SDK2: variants seen among roughly 807,000 people sequenced by gnomAD.
The protein encoded by SDK2 is sidekick cell adhesion molecule 2, also known as protein sidekick-2.
Under a neutral mutation model 253.9 loss-of-function variants are expected in SDK2, and 105 were observed. That is an observed-to-expected ratio of 0.41 (90% CI 0.35 to 0.49). The LOEUF is 0.49. SDK2 is among the 20% of genes least tolerant of loss of function. The pLI, the probability that SDK2 is intolerant of heterozygous loss-of-function variation, is 0.06. For missense variants in SDK2, 2,608 were observed against 3,003.0 expected (o/e 0.87, Z 3.07); for synonymous variants, 1,249 against 1,234.9 (o/e 1.01, Z -0.24).
chr17:73,391,565 G>A (rs773333254), intron 27 of SDK2, 27 bp from the exon 28 acceptor site: 12 of 1,204,678 alleles, frequency 1.0e-5, no homozygotes, highest in South Asian at 8.1e-5. Flanking sequence ...AGAGGAGGCC[G>A]ACCCATGAGG....
At chr17:73,576,218 G>A (rs572577334) in intron 1 of SDK2, among the ~76,000 whole-genome samples, 1 of 152,278 alleles carries the variant, frequency 6.6e-6, no homozygotes, top group African/African-American at 2.4e-5. Flanking sequence ...TCCCAAAGAA[G>A]GGGAGGGAAC....
rs1443722652 is a variant in SDK2 at position 73,435,460 on chromosome 17, C to G, written c.1185G>C (p.Leu395=). The G allele has an allele frequency of 6.3e-7, 1 of 1,592,370 alleles. No individual in the cohort carries two copies. The highest frequency in any genetic ancestry group is 1.3e-5 in the African/African-American group (1 of 74,588). The change falls in exon 9 of 45, where the codon CTG becomes CTC. Residue 395 remains leucine (L), a synonymous_variant. Transcript: ENST00000392650. This position sits in a 1 kb window ranked among gnomAD's most constrained non-coding sequence, Gnocchi z 5.7. The part of the protein sequence containing the change: ...AAGEVQTSTY[L]AVTSIAPNIT... ...GAAGGCCCAACTTACTGGTGACAGCCAGGTAGGTGGAAGTTTGCACCTCGC... is the reference window on the plus strand; with the variant it reads ...GAAGGCCCAACTTACTGGTGACAGCGAGGTAGGTGGAAGTTTGCACCTCGC...
chr17:73,446,144 C>T (rs1205846498), intron 5 of SDK2, among the ~76,000 whole-genome samples: 1 of 152,150 alleles, frequency 6.6e-6, no homozygotes, highest in Non-Finnish European at 1.5e-5. Context: ...GACCATGAAC[C>T]ACTCCTGTGT....
Position 73,403,051 on chromosome 17 carries a change from G to A in SDK2, c.2485-910C>T, listed in dbSNP as rs184129056. 3.7e-3 allele frequency among the ~76,000 whole-genome samples: 555 copies of A among 151,418 alleles called. 16 individuals are homozygous for A. In the East Asian group the frequency reaches 0.058, roughly 16 times the overall value. ...TGATCTCAAGTGATCCGCCCGCCTC[G>A]GCCTCCCAAAGTGCTGGGATTACAG... is the stretch of plus-strand genomic sequence containing the variant. On this transcript the variant is annotated intron_variant, in intron 18 of 44. Transcript: ENST00000392650.
chr17:73,469,990 G>GCACACACACACA (rs1555585147), intron 3 of SDK2, among the ~76,000 whole-genome samples: 19 of 105,678 alleles, frequency 1.8e-4, no homozygotes, highest in African/African-American at 5.8e-4. Flanking sequence ...CTGCGCGCGC[G>GCACACACACACA]CGCACACACA....
At chr17:73,372,623 C>T (rs112676131) in intron 36 of SDK2, among the ~76,000 whole-genome samples, 19,014 of 151,936 alleles carry the variant, frequency 0.13, 2,193 homozygotes, top group East Asian at 0.28. Context: ...TGCCTGTAAT[C>T]CCAGCTACTC....
chr17:73,607,847 CTT>C (rs112887759), intron 1 of SDK2, among the ~76,000 whole-genome samples: 13 of 142,598 alleles, frequency 9.1e-5, no homozygotes, highest in Admixed American at 2.1e-4. Context: ...CTTCTGTGTG[CTT>C]TTTTTTTTTT....
chr17:73,431,661 T>C lies in SDK2; in HGVS notation c.1321A>G (p.Ile441Val), dbSNP rs1567768629. Residue 441 changes from isoleucine (I) to valine (V), a missense_variant, in exon 11 of 45, where the codon ATC becomes GTC. By Grantham distance (29) the Ile-to-Val change is conservative. This residue lies in a region of SDK2 where 1,505 missense variants were observed against 1,859.1 expected (regional missense o/e 0.81). Coordinates refer to ENST00000392650, the MANE Select transcript of SDK2 (RefSeq NM_001144952.2). The surrounding 1 kb of genome is among the most constrained non-coding windows in gnomAD (Gnocchi z 5.6). The part of the protein sequence containing the change: ...PAITWQKGER[I>V]LASGSVQLPR... ...AGCTGCACAGAGCCACTGGCCAAGA[T>C]GCGCTCCCCTGAGGGCAAAACAGGG... The C allele has an allele frequency of 1.2e-6, 2 of 1,608,302 alleles. No individual in the cohort carries two copies. The highest frequency in any genetic ancestry group is 8.5e-7 in the Non-Finnish European group (1 of 1,177,332).
intron 1 of SDK2, among the ~76,000 whole-genome samples, chr17:73,613,691 G>A (rs1418561136): frequency 1.3e-5 from 2 of 149,612 alleles, no homozygotes; most frequent in Non-Finnish European, 3.0e-5. Context: ...CCAGTGGCAC[G>A]TAGGGCCTCA....
intron 3 of SDK2, among the ~76,000 whole-genome samples, chr17:73,469,331 G>A (rs1051376321): frequency 6.6e-6 from 1 of 152,164 alleles, no homozygotes; most frequent in Admixed American, 6.5e-5. Context: ...GGTGGTCCAG[G>A]GCCCTTGGAA....
rs2062869517 is a variant in SDK2, at chr17:73,386,065, A to C, written c.4499-148T>G. The C allele has an allele frequency of 6.5e-6, 4 of 610,712 alleles. 1 individual carries two copies. The Middle Eastern group carries it at 1.2e-3, about 183-fold the overall frequency. 37.8% of individuals were successfully genotyped at this position (610,712 alleles called of 1,614,324 possible). ...TGCCTGCTGGCCCGATTTCTGCAGA[A>C]CAAAGGGCTGGTGTAAAGGGGAGGG... On this transcript the variant is annotated intron_variant, in intron 31 of 44. Coordinates refer to ENST00000392650, the MANE Select transcript of SDK2 (RefSeq NM_001144952.2).
intron 6 of SDK2, among the ~76,000 whole-genome samples, chr17:73,440,257 C>T (rs946109846): frequency 6.6e-6 from 1 of 152,022 alleles, no homozygotes; most frequent in African/African-American, 2.4e-5. Flanking sequence ...AGGCATGTGA[C>T]ACCACACCTG....
At chr17:73,553,380 T>C (rs1275726698) in intron 1 of SDK2, among the ~76,000 whole-genome samples, 1 of 152,178 alleles carries the variant, frequency 6.6e-6, no homozygotes, top group Non-Finnish European at 1.5e-5. Context: ...GGAAGGTGGA[T>C]GTTATTATCC....
At chr17:73,568,294 T>C (rs190040304) in intron 1 of SDK2, among the ~76,000 whole-genome samples, 43 of 152,346 alleles carry the variant, frequency 2.8e-4, no homozygotes, top group Admixed American at 6.5e-4. Flanking sequence ...CTCCCTCTTT[T>C]CTTTCTGCCA....
chr17:73,442,801 T>C (rs2063425721), intron 5 of SDK2, among the ~76,000 whole-genome samples: 1 of 151,344 alleles, frequency 6.6e-6, no homozygotes, highest in Non-Finnish European at 1.5e-5. Flanking sequence ...AAGAACTTCC[T>C]GTAAGTGGGT....
chr17:73,398,047 C>T lies in SDK2; in HGVS notation c.3342G>A (p.Trp1114Ter). The T allele has an allele frequency of 6.2e-7, 1 of 1,612,202 alleles. No homozygotes were observed. Among genetic ancestry groups the T allele is most frequent in the Non-Finnish European group, 8.5e-7 (1 of 1,179,872 alleles). The change falls in exon 24 of 45, where the codon TGG becomes TGA. Residue 1114 changes from tryptophan (W) to a stop codon, truncating the protein, a stop_gained. Coordinates refer to ENST00000392650, the MANE Select transcript of SDK2 (RefSeq NM_001144952.2). LOFTEE classifies it high-confidence loss of function. ...SLRTASETSL[W>*]LRWMPLPEME... ...GAGGGAGCCTTACCATCCAGCGCAG[C>T]CACAGGCTGGTCTCACTGGCTGTGC...
At chr17:73,353,700 ATT>A (rs11370066) in intron 40 of SDK2, among the ~76,000 whole-genome samples, 67 of 97,206 alleles carry the variant, frequency 6.9e-4, no homozygotes, top group African/African-American at 2.4e-3. Context: ...TGCCTGGCCA[ATT>A]TTTTTTTTTT....
In SDK2 at chr17:73,541,413, C is replaced by G. The variant is rs2044866958; in HGVS notation, c.65-33816G>C. ...GACCAAGGCTAGCTCGGGCAGCACA[C>G]TTAGCACATGGGCGCCTTGCTGGGT... On this transcript the variant is annotated intron_variant, in intron 1 of 44. Coordinates refer to ENST00000392650, the MANE Select transcript of SDK2 (RefSeq NM_001144952.2). The surrounding 1 kb of genome is among the most constrained non-coding windows in gnomAD (Gnocchi z 4.3). Among the ~76,000 whole-genome samples the G allele has an allele frequency of 6.6e-6, 1 of 152,182 alleles. No individual in the cohort carries two copies. Among genetic ancestry groups the G allele is most frequent in the African/African-American group, 2.4e-5 (1 of 41,438 alleles).
At position 73,612,940 on chromosome 17, in the gene SDK2, G is replaced by T. The variant is rs1402136349; in HGVS notation, c.64+31085C>A. 1.3e-5 allele frequency among the ~76,000 whole-genome samples: 2 copies of T among 149,486 alleles called. No individual in the cohort carries two copies. The highest frequency in any genetic ancestry group is 3.9e-4 in the East Asian group (2 of 5,166). ...TCAAATAATAATAATAATAATAATA[G>T]TAATGGTAATAATAGCAGCCTACCA... On this transcript the variant is annotated intron_variant, in intron 1 of 44. Transcript: ENST00000392650. This position sits in a 1 kb window ranked among gnomAD's most constrained non-coding sequence, Gnocchi z 4.4.
Sources: gnomAD v4.1 joint callset for allele counts (sites outside exome capture counted in the v4.1 genomes callset) on GRCh38, gnomAD v4.1.1 for gene constraint, gnomAD v4.1.1 regional missense constraint, Gnocchi (gnomAD v3.1) non-coding constraint, MANE v1.5 for transcripts, NCBI Gene and HGNC (gene_info 2026-07-23, HGNC 2026-07-21) for gene names.